The following NCKAP5 variants were observed in gnomAD, a reference collection of about 807,000 sequenced individuals.
The protein encoded by NCKAP5 is NCK associated protein 5, also known as nck-associated protein 5.
NCKAP5 carries 92 observed loss-of-function variants against 167.0 expected under a neutral mutation model. That is an observed-to-expected ratio of 0.55 (90% CI 0.47 to 0.66). The LOEUF (loss-of-function observed/expected upper bound fraction) is 0.66, where lower values mean the gene tolerates loss of function less well. Ranked by LOEUF, NCKAP5 falls within the 30% of genes least tolerant of loss-of-function variation. The pLI is 0.00. For missense variants in NCKAP5, 2,378 were observed against 2,315.0 expected (o/e 1.03, Z -0.56); for synonymous variants, 891 against 877.4 (o/e 1.02, Z -0.27).
intron 16 of NCKAP5, among the ~76,000 whole-genome samples, chr2:132,747,386 A>G (rs1276948387): frequency 6.6e-6 from 1 of 152,190 alleles, no homozygotes; most frequent in Non-Finnish European, 1.5e-5. Context: ...TGCAGGTCAC[A>G]AAGGGCTTTG....
intron 4 of NCKAP5, among the ~76,000 whole-genome samples, chr2:133,233,980 AC>A (rs2087274868): frequency 6.6e-6 from 1 of 152,192 alleles, no homozygotes; most frequent in Non-Finnish European, 1.5e-5. Flanking sequence ...TCATTGAAGA[AC>A]CCATCAGGAC....
At chr2:132,794,699 G>A (rs1684441357) in intron 12 of NCKAP5, among the ~76,000 whole-genome samples, 2 of 138,036 alleles carry the variant, frequency 1.4e-5, no homozygotes, top group South Asian at 4.7e-4. Flanking sequence ...ATGTGTCTTG[G>A]CTCTTCAACT....
chr2:133,218,469 G>T (rs1169834897), intron 4 of NCKAP5, among the ~76,000 whole-genome samples: 1 of 152,120 alleles, frequency 6.6e-6, no homozygotes, highest in Non-Finnish European at 1.5e-5. Context: ...TCATCTTAGT[G>T]TTATGACAAA....
chr2:133,594,387 C>G, the NCKAP5 span, among the ~76,000 whole-genome samples: 2 of 152,178 alleles, frequency 1.3e-5, no homozygotes, highest in Non-Finnish European at 2.9e-5. Context: ...TTGGCACTCC[C>G]TGACATGCCA....
the NCKAP5 span, among the ~76,000 whole-genome samples, chr2:133,670,042 G>A: frequency 7.2e-5 from 11 of 152,216 alleles, no homozygotes; most frequent in Non-Finnish European, 1.0e-4. Flanking sequence ...TAAATTGTAT[G>A]TGGGATTATA....
At chr2:133,180,864 G>A (rs750649869) in intron 5 of NCKAP5, among the ~76,000 whole-genome samples, 1 of 151,822 alleles carries the variant, frequency 6.6e-6, no homozygotes, top group African/African-American at 2.4e-5. Context: ...CACAGCAAAG[G>A]AAACAATGAA....
the NCKAP5 span, among the ~76,000 whole-genome samples, chr2:133,654,445 A>G: frequency 0.06 from 9,159 of 152,166 alleles, 866 homozygotes; most frequent in African/African-American, 0.21. Context: ...GATTATCAAG[A>G]TGACATAAAT....
At chr2:133,379,528 T>A (rs1285885741) in intron 3 of NCKAP5, among the ~76,000 whole-genome samples, 1 of 152,198 alleles carries the variant, frequency 6.6e-6, no homozygotes, top group Non-Finnish European at 1.5e-5. Context: ...CCAAGTCTCA[T>A]CTTTCTAGGG....
rs72992815 is a variant in NCKAP5 at position 132,863,747 on chromosome 2, G to A, written c.688-3136C>T. On this transcript the variant is annotated intron_variant, in intron 10 of 19. Transcript: ENST00000409261. ...GAAAATCTGTAGATAGGAAAGAATC[G>A]CTTGCGTTGTTTTTAATATTCTTAT... Among the ~76,000 whole-genome samples, 179 of 152,236 alleles carry A rather than the reference G, an allele frequency of 1.2e-3. 1 individual carries two copies. The highest frequency in any genetic ancestry group is 4.0e-3 in the African/African-American group (167 of 41,542).
chr2:133,469,535 T>C (rs1692881311), intron 3 of NCKAP5, among the ~76,000 whole-genome samples: 1 of 152,036 alleles, frequency 6.6e-6, no homozygotes, highest in African/African-American at 2.4e-5. Context: ...CTCTCTGTAT[T>C]TCCTGAATCT....
At position 133,229,665 on chromosome 2, in the gene NCKAP5, A is replaced by G. The variant is rs190739750; in HGVS notation, c.144-15886T>C. 2.6e-4 allele frequency among the ~76,000 whole-genome samples: 40 copies of G among 152,276 alleles called. No individual in the cohort carries two copies. In the East Asian group the frequency reaches 6.6e-3, roughly 25 times the overall value. On this transcript the variant is annotated intron_variant, in intron 4 of 19. Transcript: ENST00000409261. ...ACAGAGAGATTAAGTATCTTCCACA[A>G]GGTCCCAGAGCTACACCTGGACACA...
At chr2:133,603,119 G>T in the NCKAP5 span, among the ~76,000 whole-genome samples, 1 of 152,142 alleles carries the variant, frequency 6.6e-6, no homozygotes, top group African/African-American at 2.4e-5. Context: ...GAGGCAGGAG[G>T]TGAACTACAG....
intron 5 of NCKAP5, among the ~76,000 whole-genome samples, chr2:133,179,275 C>A (rs2084628664): frequency 6.6e-6 from 1 of 150,600 alleles, no homozygotes; most frequent in African/African-American, 2.4e-5. Context: ...TTACACTTAC[C>A]AGTTGAACAT....
chr2:133,367,188 C>T (rs1156641869), intron 3 of NCKAP5, among the ~76,000 whole-genome samples: 2 of 152,200 alleles, frequency 1.3e-5, no homozygotes, highest in Admixed American at 1.3e-4. Context: ...GTGGCTTTCC[C>T]TGCCTGACCA....
intron 11 of NCKAP5, among the ~76,000 whole-genome samples, chr2:132,830,562 C>T (rs1283117508): frequency 6.6e-6 from 1 of 152,140 alleles, no homozygotes; most frequent in East Asian, 1.9e-4. Flanking sequence ...CTTCCCAAAT[C>T]ACACCACAGA....
chr2:133,159,848 T>C (rs1390844642), intron 5 of NCKAP5, among the ~76,000 whole-genome samples: 1 of 152,096 alleles, frequency 6.6e-6, no homozygotes, highest in Non-Finnish European at 1.5e-5. Context: ...TATAGTCCAA[T>C]AGTACACATA....
At chr2:133,394,290 A>T (rs972347314) in intron 3 of NCKAP5, among the ~76,000 whole-genome samples, 1 of 152,236 alleles carries the variant, frequency 6.6e-6, no homozygotes, top group African/African-American at 2.4e-5. Context: ...TAAATACCCA[A>T]TTACAAAGTA....
chr2:133,056,050 A>G (rs2079788072), intron 6 of NCKAP5, among the ~76,000 whole-genome samples: 1 of 152,176 alleles, frequency 6.6e-6, no homozygotes, highest in African/African-American at 2.4e-5. Flanking sequence ...TCCTCTCCCT[A>G]CTTTCCTCAA....
At chr2:132,906,750 G>A (rs1261999383) in intron 8 of NCKAP5, among the ~76,000 whole-genome samples, 2 of 152,192 alleles carry the variant, frequency 1.3e-5, no homozygotes, top group South Asian at 4.1e-4. Context: ...AAAACATGGA[G>A]TCAAACTCTT....
Sources: gnomAD v4.1 joint callset for allele counts (sites outside exome capture counted in the v4.1 genomes callset) on GRCh38, gnomAD v4.1.1 for gene constraint, MANE v1.5 for transcripts, NCBI Gene and HGNC (gene_info 2026-07-23, HGNC 2026-07-21) for gene names.